Variants in CAMK1D observed in about 807,000 individuals in gnomAD.
CAMK1D encodes calcium/calmodulin-dependent protein kinase type 1D.
A neutral mutation model predicts 47.7 loss-of-function variants in CAMK1D; 9 were observed. The observed-to-expected ratio is 0.19, with a 90% CI of 0.11 to 0.33. The LOEUF (loss-of-function observed/expected upper bound fraction) is 0.33. Among genes scored for constraint, CAMK1D ranks in the 10% least tolerant of loss-of-function variants. The probability of loss-of-function intolerance (pLI) is 1.00; values close to 1 mark genes in which losing one functional copy is unlikely to be tolerated. For synonymous variants in CAMK1D, 184 were observed against 184.9 expected (o/e 0.99, Z 0.04); for missense variants, 291 against 488.7 (o/e 0.60, Z 3.81).
chr10:12,757,077 A>C (rs1437235903), intron 3 of CAMK1D, among the ~76,000 whole-genome samples: 1 of 152,120 alleles, frequency 6.6e-6, no homozygotes, highest in Admixed American at 6.5e-5. Context: ...TTACCTTTCC[A>C]GATCTGCATC....
intron 2 of CAMK1D, among the ~76,000 whole-genome samples, chr10:12,581,912 C>A (rs1837675137): frequency 6.6e-6 from 1 of 152,090 alleles, no homozygotes; most frequent in African/African-American, 2.4e-5. Context: ...ATCTATTTAT[C>A]TTTGTTTTTG....
intron 2 of CAMK1D, among the ~76,000 whole-genome samples, chr10:12,576,955 A>T (rs1302035483): frequency 6.6e-6 from 1 of 152,196 alleles, no homozygotes; most frequent in Non-Finnish European, 1.5e-5. Flanking sequence ...TCTGCGAGTG[A>T]CACAGAGCCC....
chr10:12,751,352 C>T (rs1835975595), intron 3 of CAMK1D, among the ~76,000 whole-genome samples: 1 of 152,170 alleles, frequency 6.6e-6, no homozygotes, highest in Non-Finnish European at 1.5e-5. Flanking sequence ...ACTCCTGCCT[C>T]AAATGATCCT....
At chr10:12,708,189 C>A (rs1833800748) in intron 3 of CAMK1D, among the ~76,000 whole-genome samples, 1 of 152,208 alleles carries the variant, frequency 6.6e-6, no homozygotes. Context: ...CACGTATGCA[C>A]CTCTTGCACT....
chr10:12,795,706 C>G (rs1028768660), intron 6 of CAMK1D, among the ~76,000 whole-genome samples: 1 of 152,280 alleles, frequency 6.6e-6, no homozygotes, highest in Non-Finnish European at 1.5e-5. Flanking sequence ...TGCTGGTGTG[C>G]GCCCTTGATA....
At chr10:12,570,391 A>G (rs970094445) in intron 2 of CAMK1D, among the ~76,000 whole-genome samples, 2 of 151,424 alleles carry the variant, frequency 1.3e-5, no homozygotes, top group African/African-American at 4.9e-5. Flanking sequence ...TTTCAGATCT[A>G]TGAGGGGCTG....
At chr10:12,368,591 TC>T (rs1837915764) in intron 1 of CAMK1D, among the ~76,000 whole-genome samples, 1 of 152,058 alleles carries the variant, frequency 6.6e-6, no homozygotes. Flanking sequence ...TACCTACCTT[TC>T]CAGCTTGTTG....
rs529970088 is a variant in CAMK1D, at chr10:12,830,964, C to CACACACACACACACACAAAA, written c.*2078_*2079insCACACACACACACACAAAAA. The CACACACACACACACACAAAA allele has an allele frequency of 1.1e-5, 1 of 89,730 alleles. No individual in the cohort carries two copies. Among genetic ancestry groups the CACACACACACACACACAAAA allele is most frequent in the African/African-American group, 3.9e-5 (1 of 25,330 alleles). 5.6% of individuals were successfully genotyped at this position (89,730 alleles called of 1,614,324 possible). A position where few individuals can be genotyped will look rare whatever the true frequency, so the allele number is the denominator to read the frequency against. On this transcript the variant is annotated 3_prime_UTR_variant, in exon 11 of 11. Transcript: ENST00000619168. The stretch of plus-strand genomic sequence containing the variant: ...ACACACACACACACACACACACACA[C>CACACACACACACACACAAAA]AATGTTATTAGGCACAGCAGCTCCA...
chr10:12,678,654 A>G (rs561740505), intron 3 of CAMK1D, among the ~76,000 whole-genome samples: 2 of 152,272 alleles, frequency 1.3e-5, no homozygotes, highest in East Asian at 1.9e-4. Context: ...TGGAGCGCCA[A>G]TGTTTGGTGC....
intron 3 of CAMK1D, among the ~76,000 whole-genome samples, chr10:12,688,193 A>G (rs1246262246): frequency 6.6e-6 from 1 of 152,158 alleles, no homozygotes; most frequent in Non-Finnish European, 1.5e-5. Context: ...CTACCCTTTA[A>G]GGACCTATTT....
chr10:12,370,320 A>G (rs1837967544), intron 1 of CAMK1D, among the ~76,000 whole-genome samples: 1 of 150,532 alleles, frequency 6.6e-6, no homozygotes, highest in Admixed American at 6.9e-5. Flanking sequence ...CTAATACTTG[A>G]TAGTGATAAT....
chr10:12,453,186 CTTTTTTCTTTTTTT>C (rs1203770901), intron 1 of CAMK1D, among the ~76,000 whole-genome samples: 4 of 122,842 alleles, frequency 3.3e-5, no homozygotes, highest in African/African-American at 1.3e-4. Context: ...TCTTCTTTTT[CTTTTTTCTTTTTTT>C]TTTTTTTGAG....
intron 1 of CAMK1D, among the ~76,000 whole-genome samples, chr10:12,542,803 T>C (rs2492955): frequency 0.95 from 143,990 of 152,270 alleles, 68,084 homozygotes; most frequent in East Asian, 0.97. Flanking sequence ...AGTGCAGCAG[T>C]GTGAACTCAG....
At chr10:12,382,458 T>G (rs965319297) in intron 1 of CAMK1D, among the ~76,000 whole-genome samples, 2 of 152,008 alleles carry the variant, frequency 1.3e-5, no homozygotes, top group African/African-American at 4.8e-5. Flanking sequence ...GAAATAAAGG[T>G]GCTATAGTCT....
chr10:12,420,481 T>A (rs1840013291), intron 1 of CAMK1D, among the ~76,000 whole-genome samples: 1 of 152,208 alleles, frequency 6.6e-6, no homozygotes. Context: ...CTTAGTAAGA[T>A]CTTGAGGTAA....
chr10:12,816,826 C>T (rs1011006923), intron 8 of CAMK1D, among the ~76,000 whole-genome samples: 6 of 145,680 alleles, frequency 4.1e-5, no homozygotes, highest in Admixed American at 7.0e-5. Context: ...GAGCTGAGAT[C>T]GCACCATTGC....
At chr10:12,709,594 A>G (rs1833860361) in intron 3 of CAMK1D, among the ~76,000 whole-genome samples, 1 of 152,220 alleles carries the variant, frequency 6.6e-6, no homozygotes, top group South Asian at 2.1e-4. Context: ...AAGGAAACTT[A>G]GTGCTCTAGG....
chr10:12,399,878 G>A (rs1456071359), intron 1 of CAMK1D, among the ~76,000 whole-genome samples: 2 of 152,156 alleles, frequency 1.3e-5, no homozygotes, highest in South Asian at 2.1e-4. Flanking sequence ...TGATGGCTGT[G>A]AGTTCAATAT....
At chr10:12,798,037 C>G (rs1564569718) in intron 6 of CAMK1D, among the ~76,000 whole-genome samples, 1 of 152,160 alleles carries the variant, frequency 6.6e-6, no homozygotes, top group Non-Finnish European at 1.5e-5. Flanking sequence ...GTGGAATGCA[C>G]CAACTTCTGT....
Sources: gnomAD v4.1 joint callset for allele counts (sites outside exome capture counted in the v4.1 genomes callset) on GRCh38, gnomAD v4.1.1 for gene constraint, MANE v1.5 for transcripts, NCBI Gene and HGNC (gene_info 2026-07-23, HGNC 2026-07-21) for gene names.